The following APBB1IP variants were observed in gnomAD, a reference collection of about 807,000 sequenced individuals.
APBB1IP encodes the protein amyloid beta precursor protein binding family B member 1 interacting protein.
In APBB1IP, 27 loss-of-function variants were observed where a neutral mutation model predicts 64.9. The observed-to-expected ratio is 0.42, with a 90% CI of 0.31 to 0.57. The LOEUF (loss-of-function observed/expected upper bound fraction) is 0.57. APBB1IP is among the 20% of genes least tolerant of loss of function. The pLI is 0.20. For synonymous variants in APBB1IP, 392 were observed against 331.0 expected (o/e 1.18, Z -2.00); for missense variants, 812 against 845.5 (o/e 0.96, Z 0.49).
In APBB1IP at chr10:26,549,695, T is replaced by C. The variant is rs139417445; in HGVS notation, c.1155+8003T>C. Among the ~76,000 whole-genome samples, 6 of 152,086 alleles carry C rather than the reference T, an allele frequency of 3.9e-5. No individual in the cohort carries two copies. In the East Asian group the frequency reaches 1.2e-3, roughly 29 times the overall value. ...TCATCTTTCATTTTATTTCTTTCAGTCATCTTTCTTTTTTTCTTAGACTAG... is the reference window on the plus strand; with the variant it reads ...TCATCTTTCATTTTATTTCTTTCAGCCATCTTTCTTTTTTTCTTAGACTAG... On this transcript the variant is annotated intron_variant, in intron 11 of 14. Transcript: ENST00000376236.
rs756385380 is a variant in APBB1IP at position 26,461,532 on chromosome 10, C to CT, written c.-1+22689dup. On this transcript the variant is annotated intron_variant, in intron 2 of 14. Coordinates refer to ENST00000376236, the MANE Select transcript of APBB1IP (RefSeq NM_019043.4). ...TACATTTTTATTACTTAGGAATAAT[C>CT]TTTTTTTTTTAGGAATAAGCTTTTA... 1.2e-3 allele frequency among the ~76,000 whole-genome samples: 177 copies of CT among 147,808 alleles called. 1 individual carries two copies. The highest frequency in any genetic ancestry group is 4.1e-3 in the African/African-American group (164 of 40,342).
chr10:26,510,910 T>C lies in APBB1IP; in HGVS notation c.532-837T>C, dbSNP rs796797179. 3.3e-5 allele frequency among the ~76,000 whole-genome samples: 5 copies of C among 152,272 alleles called. No homozygotes were observed. In the East Asian group the frequency reaches 5.8e-4, roughly 18 times the overall value. ...TCTCTCAGTGGGGCCCCCTCAGTGATACCGTGTTAACATACGCTCTGTGGA... is the reference window on the plus strand; with the variant it reads ...TCTCTCAGTGGGGCCCCCTCAGTGACACCGTGTTAACATACGCTCTGTGGA... On this transcript the variant is annotated intron_variant, in intron 6 of 14. Transcript: ENST00000376236.
At chr10:26,487,211 C>CCTCT (rs371254233) in intron 2 of APBB1IP, among the ~76,000 whole-genome samples, 30 of 126,788 alleles carry the variant, frequency 2.4e-4, no homozygotes, top group African/African-American at 8.0e-4. Context: ...TTTTTTTTTT[C>CCTCT]CTCTCTCTCT....
At chr10:26,470,590 G>A (rs1350907385) in intron 2 of APBB1IP, among the ~76,000 whole-genome samples, 1 of 152,088 alleles carries the variant, frequency 6.6e-6, no homozygotes, top group Non-Finnish European at 1.5e-5. Flanking sequence ...CCCAACTATA[G>A]GCTAGTGTAA....
intron 10 of APBB1IP, 75 bp downstream of exon 10, chr10:26,536,292 G>T (rs144235842): frequency 2.1e-6 from 3 of 1,451,726 alleles, no homozygotes; most frequent in African/African-American, 2.9e-5. Flanking sequence ...TCCTTAGTTG[G>T]CAAGTTAAAT....
At chr10:26,507,682 C>T (rs1322337560) in intron 6 of APBB1IP, among the ~76,000 whole-genome samples, 2 of 152,028 alleles carry the variant, frequency 1.3e-5, no homozygotes, top group Non-Finnish European at 2.9e-5. Flanking sequence ...GATAAAAAGA[C>T]AAAAGAAAAT....
At chr10:26,451,601 C>T (rs1353057338) in intron 2 of APBB1IP, among the ~76,000 whole-genome samples, 2 of 152,198 alleles carry the variant, frequency 1.3e-5, no homozygotes, top group Non-Finnish European at 2.9e-5. Flanking sequence ...TATTTTTCTT[C>T]TCTTATCTTG....
intron 2 of APBB1IP, among the ~76,000 whole-genome samples, chr10:26,480,729 A>T (rs1348443444): frequency 6.7e-6 from 1 of 149,796 alleles, no homozygotes; most frequent in East Asian, 2.0e-4. Context: ...GACCTCCCAA[A>T]GTGCTGGGAT....
At position 26,501,195 on chromosome 10, in the gene APBB1IP, T is replaced by C. The variant is rs777747590; in HGVS notation, c.453+84T>C. Reference sequence around the variant, plus strand: ...TTCCTTGAAGTGATCATTACATTCCTAAGTTGGTACATCCAAAGATCTGAG... The same window carrying C: ...TTCCTTGAAGTGATCATTACATTCCCAAGTTGGTACATCCAAAGATCTGAG... On this transcript the variant is annotated intron_variant, in intron 5 of 14. Transcript: ENST00000376236. 8 of 1,569,480 alleles carry C rather than the reference T, an allele frequency of 5.1e-6. No individual in the cohort carries two copies. In the Admixed American group the frequency reaches 1.4e-4, roughly 27 times the overall value.
chr10:26,459,235 C>T (rs1835562567), intron 2 of APBB1IP, among the ~76,000 whole-genome samples: 1 of 151,646 alleles, frequency 6.6e-6, no homozygotes, highest in South Asian at 2.1e-4. Flanking sequence ...TGATGATTTC[C>T]AATTTCATCC....
chr10:26,482,658 A>G (rs1835848678), intron 2 of APBB1IP, among the ~76,000 whole-genome samples: 1 of 152,208 alleles, frequency 6.6e-6, no homozygotes, highest in South Asian at 2.1e-4. Context: ...CTAGAAAAAA[A>G]TGTTGCCAGA....
chr10:26,480,260 C>G (rs1202188961), intron 2 of APBB1IP, among the ~76,000 whole-genome samples: 2 of 152,164 alleles, frequency 1.3e-5, no homozygotes, highest in African/African-American at 4.8e-5. Context: ...GACCCCACTC[C>G]AAGACCTAGG....
intron 2 of APBB1IP, among the ~76,000 whole-genome samples, chr10:26,470,336 A>T (rs1234808966): frequency 2.0e-5 from 3 of 152,192 alleles, no homozygotes; most frequent in Non-Finnish European, 2.9e-5. Context: ...CAGGAGTTTG[A>T]GACCACCCTG....
At chr10:26,443,713 A>T (rs111277878) in intron 2 of APBB1IP, among the ~76,000 whole-genome samples, 5,867 of 142,766 alleles carry the variant, frequency 0.041, 371 homozygotes, top group African/African-American at 0.14. Context: ...TAAAAAAAAA[A>T]TTTTGTAGAG....
chr10:26,468,597 C>T (rs1835674884), intron 2 of APBB1IP, among the ~76,000 whole-genome samples: 1 of 150,960 alleles, frequency 6.6e-6, no homozygotes, highest in Non-Finnish European at 1.5e-5. Flanking sequence ...AATTGGGAAA[C>T]ATTATTATTA....
intron 2 of APBB1IP, among the ~76,000 whole-genome samples, chr10:26,464,232 A>T (rs1174409861): frequency 6.6e-6 from 1 of 152,114 alleles, no homozygotes; most frequent in Non-Finnish European, 1.5e-5. Context: ...AGACTGTTAT[A>T]AAGTCATTTC....
intron 8 of APBB1IP, among the ~76,000 whole-genome samples, chr10:26,516,621 A>G (rs1350783338): frequency 1.3e-5 from 2 of 151,478 alleles, no homozygotes; most frequent in East Asian, 3.9e-4. Flanking sequence ...ACACATTGCA[A>G]GAGAAAAGGA....
At chr10:26,512,848 C>A (rs1454211349) in intron 7 of APBB1IP, among the ~76,000 whole-genome samples, 1 of 152,080 alleles carries the variant, frequency 6.6e-6, no homozygotes, top group Non-Finnish European at 1.5e-5. Flanking sequence ...GCTTTGGGAG[C>A]AATTTTTTTT....
intron 10 of APBB1IP, among the ~76,000 whole-genome samples, chr10:26,540,825 C>A (rs1836687952): frequency 6.6e-6 from 1 of 152,042 alleles, no homozygotes; most frequent in African/African-American, 2.4e-5. Flanking sequence ...ACACTGCCTG[C>A]AGTAAAGAGA....
Sources: gnomAD v4.1 joint callset for allele counts (sites outside exome capture counted in the v4.1 genomes callset) on GRCh38, gnomAD v4.1.1 for gene constraint, MANE v1.5 for transcripts, NCBI Gene and HGNC (gene_info 2026-07-23, HGNC 2026-07-21) for gene names.